The following ACP6 variants were observed in gnomAD, a reference collection of about 807,000 sequenced individuals.
The protein encoded by ACP6 is lysophosphatidic acid phosphatase type 6.
A neutral mutation model predicts 48.1 loss-of-function variants in ACP6; 48 were observed. The ratio of observed to expected loss-of-function variants is 1.00; its 90% CI spans 0.79 to 1.27. ACP6 has a LOEUF of 1.27. Among genes scored for constraint, ACP6 ranks in the 50% most tolerant of loss-of-function variants. The pLI, the probability that ACP6 is intolerant of heterozygous loss-of-function variation, is 0.00. For missense variants in ACP6, 485 were observed against 529.1 expected (o/e 0.92, Z 0.82); for synonymous variants, 172 against 204.2 (o/e 0.84, Z 1.34).
At chr1:147,664,584 G>C (rs1021470677) in intron 1 of ACP6, among the ~76,000 whole-genome samples, 3 of 152,172 alleles carry the variant, frequency 2.0e-5, no homozygotes, top group Admixed American at 1.3e-4. Flanking sequence ...GGCTTCCTGA[G>C]AACAGAGACT....
At chr1:147,640,484 A>G (rs191568927), downstream of ACP6, among the ~76,000 whole-genome samples, 15 of 152,256 alleles carry the variant, frequency 9.9e-5, no homozygotes, top group African/African-American at 3.6e-4. Context: ...TTATATTTGT[A>G]TAACACTTTT....
intron 7 of ACP6, chr1:147,652,080 C>T (rs587650853): frequency 5.5e-6 from 1 of 180,544 alleles, no homozygotes; most frequent in African/African-American, 2.4e-5. Flanking sequence ...TCTCACCTCA[C>T]AGTGAGAATG....
chr1:147,634,935 T>G (rs1659258408), intron 5 of ACP6, among the ~76,000 whole-genome samples: 1 of 152,210 alleles, frequency 6.6e-6, no homozygotes, highest in Admixed American at 6.5e-5. Context: ...CTGAGAATCT[T>G]CTATCTACTG....
At chr1:147,634,210 G>C (rs1463027507) in intron 5 of ACP6, among the ~76,000 whole-genome samples, 3 of 152,146 alleles carry the variant, frequency 2.0e-5, no homozygotes, top group Non-Finnish European at 4.4e-5. Context: ...GTGACGTTGA[G>C]CATCTTTTCA....
downstream of ACP6, among the ~76,000 whole-genome samples, chr1:147,640,098 G>C (rs1659409247): frequency 6.6e-6 from 1 of 152,074 alleles, no homozygotes; most frequent in Non-Finnish European, 1.5e-5. Flanking sequence ...TATCTGAGGA[G>C]GTAGCACCTT....
At chr1:147,669,017 T>C (rs1553214102) in intron 1 of ACP6, among the ~76,000 whole-genome samples, 1 of 152,150 alleles carries the variant, frequency 6.6e-6, no homozygotes, top group African/African-American at 2.4e-5. Context: ...ACCTGGGAGT[T>C]TGGGGATTTC....
chr1:147,670,101 GTCT>G lies in ACP6; in HGVS notation c.-56_-54del. The G allele has an allele frequency of 7.7e-6, 11 of 1,427,420 alleles. No individual in the cohort carries two copies. Among genetic ancestry groups the G allele is most frequent in the Non-Finnish European group, 1.0e-5 (11 of 1,084,370 alleles). 88.4% of individuals were successfully genotyped at this position (1,427,420 alleles called of 1,614,324 possible). ...TTGAGGCTGCAGGAGGCAAACACAA[GTCT>G]TCTGCGGGCGCCGGGGCTCAGCGGG... On this transcript the variant is annotated 5_prime_UTR_variant, in exon 1 of 10. Coordinates refer to ENST00000583509, the MANE Select transcript of ACP6 (RefSeq NM_016361.5).
At chr1:147,652,768 A>C in intron 6 of ACP6, 1 of 798,010 alleles carries the variant, frequency 1.3e-6, no homozygotes, top group Non-Finnish European at 1.9e-6. Context: ...AAAAAAAAGA[A>C]AGGGTTTCTT....
intron 6 of ACP6, among the ~76,000 whole-genome samples, chr1:147,653,843 T>C (rs1553211086): frequency 6.6e-6 from 1 of 152,160 alleles, no homozygotes; most frequent in Non-Finnish European, 1.5e-5. Context: ...GATGTACATA[T>C]AGTACTCTCA....
At position 147,669,910 on chromosome 1, in the gene ACP6, G is replaced by C. The variant is rs1553214360; in HGVS notation, c.139C>G (p.Leu47Val). The C allele has an allele frequency of 6.3e-7, 1 of 1,590,910 alleles. No homozygotes were observed. Among genetic ancestry groups the C allele is most frequent in the Non-Finnish European group, 8.6e-7 (1 of 1,168,512 alleles). The stretch of plus-strand genomic sequence containing the variant: ...ACCTGCACCATTTTCAACTTCAGCA[G>C]GCTGCGGTCGACCGGACACTGGCCA... Reference protein sequence around the residue: ...ADGQCPVDRSLLKLKMVQVVF... With the variant: ...ADGQCPVDRSVLKLKMVQVVF... Residue 47 changes from leucine to valine, a missense_variant, in exon 1 of 10, where the codon CTG becomes GTG. Coordinates refer to ENST00000583509, the MANE Select transcript of ACP6 (RefSeq NM_016361.5).
intron 4 of ACP6, among the ~76,000 whole-genome samples, chr1:147,657,796 C>T (rs1553211973): frequency 6.6e-6 from 1 of 152,190 alleles, no homozygotes; most frequent in Non-Finnish European, 1.5e-5. Context: ...AATCTGGAGT[C>T]CCAACAACTG....
chr1:147,652,295 AG>A (rs1260552872), intron 7 of ACP6, 153 bp downstream of exon 7: 2 of 692,286 alleles, frequency 2.9e-6, no homozygotes, highest in African/African-American at 3.6e-5. Context: ...GCGAGGACCT[AG>A]GGCCTACTGG....
chr1:147,651,859 T>C (rs1659941020), intron 7 of ACP6: 1 of 152,250 alleles, frequency 6.6e-6, no homozygotes, highest in Non-Finnish European at 1.5e-5. Context: ...AAAAGGTGTC[T>C]TCTGAAATTT....
intron 1 of ACP6, among the ~76,000 whole-genome samples, chr1:147,661,130 T>A (rs1362170427): frequency 6.6e-6 from 1 of 152,182 alleles, no homozygotes. Flanking sequence ...TGATCTATGA[T>A]TTATGATTTG....
At chr1:147,634,363 T>C (rs1465822874) in intron 5 of ACP6, among the ~76,000 whole-genome samples, 1 of 152,192 alleles carries the variant, frequency 6.6e-6, no homozygotes, top group Non-Finnish European at 1.5e-5. Context: ...ATCAGATAAA[T>C]GATTTTCAAA....
downstream of ACP6, among the ~76,000 whole-genome samples, chr1:147,639,214 G>T (rs1162786605): frequency 6.6e-6 from 1 of 152,288 alleles, no homozygotes; most frequent in Admixed American, 6.5e-5. Context: ...CCTTGGCCAA[G>T]CCACAGGCTC....
intron 1 of ACP6, among the ~76,000 whole-genome samples, chr1:147,668,133 T>C (rs185102511): frequency 6.6e-6 from 1 of 152,354 alleles, no homozygotes; most frequent in East Asian, 1.9e-4. Context: ...CTGATTTTCA[T>C]GCACACAACT....
At chr1:147,648,095 T>A (rs915231346) in intron 9 of ACP6, 151 bp downstream of exon 9, 1 of 840,730 alleles carries the variant, frequency 1.2e-6, no homozygotes, top group African/African-American at 1.7e-5. Flanking sequence ...CCCTGGGCCA[T>A]AGCCAGGAGT....
At chr1:147,632,789 G>A (rs1553207539) in intron 5 of ACP6, among the ~76,000 whole-genome samples, 2 of 152,130 alleles carry the variant, frequency 1.3e-5, no homozygotes, top group African/African-American at 4.8e-5. Flanking sequence ...AGCAAGGACA[G>A]GCTGGAAGAG....
Sources: gnomAD v4.1 joint callset for allele counts (sites outside exome capture counted in the v4.1 genomes callset) on GRCh38, gnomAD v4.1.1 for gene constraint, MANE v1.5 for transcripts, NCBI Gene and HGNC (gene_info 2026-07-23, HGNC 2026-07-21) for gene names.